PKHD1: variants seen among roughly 807,000 people sequenced by gnomAD.
PKHD1 encodes the protein PKHD1 ciliary IPT domain containing fibrocystin/polyductin, also known as fibrocystin.
Under a neutral mutation model 412.0 loss-of-function variants are expected in PKHD1, and 291 were observed. That is an observed-to-expected ratio of 0.71 (90% CI 0.64 to 0.78). The LOEUF (loss-of-function observed/expected upper bound fraction) is 0.78. Ranked by LOEUF, PKHD1 falls within the 30% of genes least tolerant of loss-of-function variation. The pLI, the probability that PKHD1 is intolerant of heterozygous loss-of-function variation, is 0.00. For missense variants in PKHD1, 4,825 were observed against 4,950.7 expected (o/e 0.97, Z 0.76); for synonymous variants, 1,777 against 1,821.5 (o/e 0.98, Z 0.62).
At chr6:51,731,858 T>C (rs1783278172) in intron 60 of PKHD1, among the ~76,000 whole-genome samples, 2 of 152,168 alleles carry the variant, frequency 1.3e-5, no homozygotes, top group African/African-American at 4.8e-5. Context: ...TAATTAATTA[T>C]AATTTAAAAT....
chr6:51,671,197 G>C (rs1435166956), intron 60 of PKHD1, among the ~76,000 whole-genome samples: 1 of 152,044 alleles, frequency 6.6e-6, no homozygotes, highest in Non-Finnish European at 1.5e-5. Context: ...ATCAGACGTA[G>C]ATTTGGTCTT....
At chr6:51,777,348 G>T (rs1791198303) in intron 53 of PKHD1, among the ~76,000 whole-genome samples, 1 of 152,052 alleles carries the variant, frequency 6.6e-6, no homozygotes, top group South Asian at 2.1e-4. Flanking sequence ...CTAGTACTCT[G>T]CTGAAAGCAA....
intron 60 of PKHD1, among the ~76,000 whole-genome samples, chr6:51,705,361 G>A (rs528360129): frequency 3.3e-5 from 5 of 152,206 alleles, no homozygotes; most frequent in Admixed American, 2.6e-4. Flanking sequence ...GAAGTGATGA[G>A]GGGAAAAGCC....
At chr6:51,982,179 G>C (rs1562050882) in intron 35 of PKHD1, among the ~76,000 whole-genome samples, 2 of 43,208 alleles carry the variant, frequency 4.6e-5, no homozygotes, top group Non-Finnish European at 1.0e-4. Context: ...CCGTCCGGGA[G>C]GGAGGTGGGG....
At chr6:51,793,831 C>T (rs1025031749) in intron 52 of PKHD1, among the ~76,000 whole-genome samples, 3 of 152,102 alleles carry the variant, frequency 2.0e-5, no homozygotes, top group African/African-American at 4.8e-5. Context: ...CTGCAATGAA[C>T]GTATGCGTGC....
intron 28 of PKHD1, among the ~76,000 whole-genome samples, chr6:52,033,996 G>A (rs1803509303): frequency 6.6e-6 from 1 of 151,898 alleles, no homozygotes; most frequent in Admixed American, 6.6e-5. Flanking sequence ...GGGCATGGTG[G>A]TGCATGCCTG....
At chr6:51,827,624 A>C (rs932092559) in intron 52 of PKHD1, among the ~76,000 whole-genome samples, 1 of 152,136 alleles carries the variant, frequency 6.6e-6, no homozygotes, top group African/African-American at 2.4e-5. Context: ...TCTTCCATGA[A>C]GCCACCTTTA....
chr6:51,940,586 C>T (rs2127801478), intron 36 of PKHD1, among the ~76,000 whole-genome samples: 1 of 151,826 alleles, frequency 6.6e-6, no homozygotes, highest in East Asian at 1.9e-4. Flanking sequence ...ACTTCCAGAG[C>T]CCCTGGAACT....
At chr6:51,897,466 G>A (rs1310503698) in intron 43 of PKHD1, among the ~76,000 whole-genome samples, 1 of 151,332 alleles carries the variant, frequency 6.6e-6, no homozygotes, top group African/African-American at 2.4e-5. Context: ...CAAATGCTGA[G>A]AGATTTTGTC....
intron 47 of PKHD1, among the ~76,000 whole-genome samples, chr6:51,869,019 A>G (rs1371773315): frequency 6.6e-6 from 1 of 152,146 alleles, no homozygotes; most frequent in African/African-American, 2.4e-5. Context: ...ATATAAAAAA[A>G]AGAAAATAAA....
chr6:51,706,604 C>T (rs1368949753), intron 60 of PKHD1, among the ~76,000 whole-genome samples: 1 of 151,990 alleles, frequency 6.6e-6, no homozygotes, highest in African/African-American at 2.4e-5. Flanking sequence ...ATTTTCCATC[C>T]ATTGAATCAC....
chr6:52,059,705 C>A (rs572102137), intron 15 of PKHD1, among the ~76,000 whole-genome samples: 1 of 152,202 alleles, frequency 6.6e-6, no homozygotes, highest in East Asian at 1.9e-4. Flanking sequence ...AAACTAGAGA[C>A]AAGGTCTATA....
intron 56 of PKHD1, 27 bp from the exon 57 acceptor site, chr6:51,753,380 A>C (rs575515371): frequency 6.2e-7 from 1 of 1,601,330 alleles, no homozygotes; most frequent in South Asian, 1.1e-5. Context: ...TGTGGGAAAA[A>C]AAAACTTTAA....
At chr6:51,664,888 C>A (rs1419041952) in intron 60 of PKHD1, among the ~76,000 whole-genome samples, 1 of 152,022 alleles carries the variant, frequency 6.6e-6, no homozygotes, top group Non-Finnish European at 1.5e-5. Flanking sequence ...TGGAGATTTA[C>A]CCCTATGACC....
At chr6:51,997,129 C>A (rs1247540989) in intron 35 of PKHD1, among the ~76,000 whole-genome samples, 2 of 152,166 alleles carry the variant, frequency 1.3e-5, no homozygotes, top group Non-Finnish European at 2.9e-5. Flanking sequence ...ATGAAAGACC[C>A]TTTCATTCCC....
chr6:52,005,987 G>T (rs563318768), intron 35 of PKHD1, among the ~76,000 whole-genome samples: 1 of 149,142 alleles, frequency 6.7e-6, no homozygotes, highest in East Asian at 1.9e-4. Context: ...TGTGGGAGTG[G>T]CTTTTTGCTC....
intron 52 of PKHD1, among the ~76,000 whole-genome samples, chr6:51,819,665 C>T (rs907595423): frequency 6.6e-6 from 1 of 152,166 alleles, no homozygotes; most frequent in South Asian, 2.1e-4. Flanking sequence ...TTATCTCCAA[C>T]ATGAGGCAAA....
At chr6:52,010,822 T>C (rs1013214842) in intron 34 of PKHD1, among the ~76,000 whole-genome samples, 9 of 152,016 alleles carry the variant, frequency 5.9e-5, no homozygotes, top group African/African-American at 1.7e-4. Context: ...TTTGTTTTTA[T>C]TTTTTTTCTT....
At chr6:51,916,772 TA>T (rs1783871764) in intron 37 of PKHD1, among the ~76,000 whole-genome samples, 1 of 152,068 alleles carries the variant, frequency 6.6e-6, no homozygotes, top group Non-Finnish European at 1.5e-5. Flanking sequence ...CAAAAACACA[TA>T]AAACTACGCA....
Sources: gnomAD v4.1 joint callset for allele counts (sites outside exome capture counted in the v4.1 genomes callset) on GRCh38, gnomAD v4.1.1 for gene constraint, MANE v1.5 for transcripts, NCBI Gene and HGNC (gene_info 2026-07-23, HGNC 2026-07-21) for gene names.